The following IFT74 variants were observed in gnomAD, a reference collection of about 807,000 sequenced individuals.
The protein encoded by IFT74 is intraflagellar transport 74.
IFT74 carries 92 observed loss-of-function variants against 96.7 expected under a neutral mutation model. That is an observed-to-expected ratio of 0.95 (90% confidence interval 0.80 to 1.13). IFT74 has a LOEUF of 1.13. IFT74 is among the 50% of genes most tolerant of loss of function. The pLI, the probability that IFT74 is intolerant of heterozygous loss-of-function variation, is 0.00. For missense variants in IFT74, 811 were observed against 698.2 expected (o/e 1.16, Z -1.82); for synonymous variants, 223 against 213.2 (o/e 1.05, Z -0.40).
At chr9:26,995,905 T>G in intron 8 of IFT74, 1 of 1,212,278 alleles carries the variant, frequency 8.2e-7, no homozygotes, top group Non-Finnish European at 1.2e-6. Flanking sequence ...GTTGGCAAAA[T>G]AATCATAATT....
At chr9:27,011,271 T>A (rs1829058106) in intron 9 of IFT74, among the ~76,000 whole-genome samples, 1 of 151,746 alleles carries the variant, frequency 6.6e-6, no homozygotes, top group African/African-American at 2.4e-5. Context: ...AAAGAAAGAG[T>A]ATGATAGAAA....
At chr9:27,039,114 A>T (rs1819349525) in intron 13 of IFT74, among the ~76,000 whole-genome samples, 1 of 152,234 alleles carries the variant, frequency 6.6e-6, no homozygotes, top group African/African-American at 2.4e-5. Context: ...CACCATGGGC[A>T]CCAAATAGAA....
rs1820588672 is a variant in IFT74 at position 27,065,823 on chromosome 9, C to G, written c.*3087C>G. ...AGTAAGAAGAAATAAAGATGGACCACTAGAGAATTGTAGTAATCTATTTTT... is the reference window on the plus strand; with the variant it reads ...AGTAAGAAGAAATAAAGATGGACCAGTAGAGAATTGTAGTAATCTATTTTT... On this transcript the variant is annotated 3_prime_UTR_variant, in exon 20 of 20. Transcript: ENST00000380062. Among the ~76,000 whole-genome samples, 1 of 152,152 alleles carries G rather than the reference C, an allele frequency of 6.6e-6. No individual in the cohort carries two copies. The highest frequency in any genetic ancestry group is 1.5e-5 in the Non-Finnish European group (1 of 68,028).
At chr9:26,988,804 G>A (rs1293016562) in intron 7 of IFT74, 76 bp downstream of exon 7, 9 of 1,295,564 alleles carry the variant, frequency 6.9e-6, no homozygotes, top group East Asian at 5.1e-5. Flanking sequence ...TCTAGAAATA[G>A]TTTGATAAAA....
chr9:27,013,575 T>A (rs1829212436), intron 10 of IFT74, among the ~76,000 whole-genome samples: 1 of 152,256 alleles, frequency 6.6e-6, no homozygotes, highest in Admixed American at 6.5e-5. Flanking sequence ...AAATATTATC[T>A]GACTTTTCCA....
At chr9:26,995,869 G>C in intron 8 of IFT74, 1 of 1,539,722 alleles carries the variant, frequency 6.5e-7, no homozygotes, top group Non-Finnish European at 8.7e-7. Flanking sequence ...AATACCAAGA[G>C]AGGAGAGAGA....
At chr9:26,983,770 C>T (rs1297637424) in intron 4 of IFT74, 1 of 150,002 alleles carries the variant, frequency 6.7e-6, no homozygotes, top group African/African-American at 2.5e-5. Flanking sequence ...TGGGATATAC[C>T]TCATTCTTTT....
At chr9:26,964,742 A>G (rs948966528) in intron 2 of IFT74, among the ~76,000 whole-genome samples, 7 of 152,298 alleles carry the variant, frequency 4.6e-5, no homozygotes, top group African/African-American at 1.7e-4. Flanking sequence ...TCTAAAACTC[A>G]TCTAGAACAA....
intron 8 of IFT74, 49 bp from the exon 9 acceptor site, chr9:27,008,971 A>AT (rs1828919927): frequency 1.4e-6 from 2 of 1,443,984 alleles, no homozygotes; most frequent in African/African-American, 1.4e-5. Context: ...ATAATTGGAT[A>AT]TTTTTTCCTC....
At chr9:27,032,238 C>T (rs1188523005) in intron 13 of IFT74, among the ~76,000 whole-genome samples, 1 of 152,316 alleles carries the variant, frequency 6.6e-6, no homozygotes. Flanking sequence ...TTCTCCATCT[C>T]CTTTCAGCTT....
chr9:27,045,385 A>G (rs1819657846), intron 14 of IFT74, among the ~76,000 whole-genome samples: 2 of 152,214 alleles, frequency 1.3e-5, no homozygotes, highest in African/African-American at 2.4e-5. Context: ...GACTGCTGCT[A>G]TAGATCATTT....
chr9:27,030,547 CAAAAAAA>C (rs60150925), intron 13 of IFT74, among the ~76,000 whole-genome samples: 2 of 115,452 alleles, frequency 1.7e-5, no homozygotes, highest in South Asian at 3.1e-4. Flanking sequence ...GACTCCGTCT[CAAAAAAA>C]AAAAAAAAAA....
chr9:26,955,374 C>T (rs1377598255), upstream of IFT74, among the ~76,000 whole-genome samples: 2 of 152,102 alleles, frequency 1.3e-5, no homozygotes, highest in Non-Finnish European at 2.9e-5. Context: ...TCTCTGAAGT[C>T]CTGCTTCTGG....
chr9:26,950,046 C>T (rs1400920013), intron 1 of IFT74, among the ~76,000 whole-genome samples: 1 of 152,190 alleles, frequency 6.6e-6, no homozygotes, highest in Non-Finnish European at 1.5e-5. Flanking sequence ...GGTGAGGTGG[C>T]TCACGCCTGT....
At chr9:26,993,486 C>T (rs1827981040) in intron 8 of IFT74, 1 of 152,358 alleles carries the variant, frequency 6.6e-6, no homozygotes, top group Non-Finnish European at 1.5e-5. Context: ...TTAGTAAGTT[C>T]TTCTATTTTA....
At chr9:27,018,571 A>G (rs888441649) in intron 11 of IFT74, 76 bp from the exon 12 acceptor site, 1 of 743,466 alleles carries the variant, frequency 1.3e-6, no homozygotes, top group Non-Finnish European at 2.2e-6. Flanking sequence ...ATTGTACTCT[A>G]GAAGGAAATT....
intron 8 of IFT74, among the ~76,000 whole-genome samples, chr9:26,999,209 C>T (rs1335077553): frequency 6.6e-6 from 1 of 152,108 alleles, no homozygotes; most frequent in African/African-American, 2.4e-5. Flanking sequence ...TTTTACTGAA[C>T]AGTAAACTAA....
At chr9:26,948,448 A>ATTATTATTATTATTATTTTTTTT (rs1825819541) in intron 1 of IFT74, among the ~76,000 whole-genome samples, 3 of 59,162 alleles carry the variant, frequency 5.1e-5, no homozygotes, top group Non-Finnish European at 1.2e-4. Flanking sequence ...GCTTTCCATT[A>ATTATTATTATTATTATTTTTTTT]TTTTTTTTTT....
At chr9:27,021,768 C>CAACTCTGTGGGTTGTCTATT (rs1337232341) in intron 12 of IFT74, among the ~76,000 whole-genome samples, 2 of 152,130 alleles carry the variant, frequency 1.3e-5, no homozygotes, top group East Asian at 3.8e-4. Flanking sequence ...AAGTTTTCTC[C>CAACTCTGTGGGTTGTCTATT]AACTCTGTGG....
Sources: allele counts gnomAD v4.1 joint callset (sites outside exome capture counted in the v4.1 genomes callset), GRCh38; gene constraint gnomAD v4.1.1; transcripts MANE v1.5; gene names NCBI Gene and HGNC (gene_info 2026-07-23, HGNC 2026-07-21).